Variants in RNF157 observed in about 807,000 individuals in gnomAD.
RNF157 encodes E3 ubiquitin ligase RNF157.
A neutral mutation model predicts 88.3 loss-of-function variants in RNF157; 55 were observed. The ratio of observed to expected loss-of-function variants is 0.62; its 90% CI spans 0.50 to 0.78. The LOEUF is 0.78. Among genes scored for constraint, RNF157 ranks in the 30% least tolerant of loss-of-function variants. The probability of loss-of-function intolerance (pLI) is 0.00; values close to 1 mark genes in which losing one functional copy is unlikely to be tolerated. For missense variants in RNF157, 788 were observed against 860.8 expected (o/e 0.92, Z 1.06); for synonymous variants, 334 against 341.2 (o/e 0.98, Z 0.23).
intron 2 of RNF157, among the ~76,000 whole-genome samples, chr17:76,188,555 C>A (rs2069331630): frequency 6.6e-6 from 1 of 152,144 alleles, no homozygotes; most frequent in South Asian, 2.1e-4. Context: ...CAACTTTAAA[C>A]AAGGTGCAAG....
In RNF157 at chr17:76,176,426, T is replaced by A. The variant is rs8067190; in HGVS notation, c.208-2636A>T. ...AGGATCAGAGGCAAATTAAAAAAAA[T>A]TTTTTTTCTGCTCTTAGAGTTGTCT... On this transcript the variant is annotated intron_variant, in intron 2 of 18. Coordinates refer to ENST00000269391, the MANE Select transcript of RNF157 (RefSeq NM_052916.3). The surrounding 1 kb of genome is among the most constrained non-coding windows in gnomAD (Gnocchi z 4.2). 8.0e-3 allele frequency among the ~76,000 whole-genome samples: 1,218 copies of A among 152,160 alleles called. 9 individuals are homozygous for A. Among genetic ancestry groups the A allele is most frequent in the African/African-American group, 0.023 (965 of 41,502 alleles).
intron 9 of RNF157, chr17:76,162,227 C>T (rs2068856452): frequency 1.7e-6 from 1 of 589,536 alleles, no homozygotes; most frequent in Non-Finnish European, 3.0e-6. Context: ...CACTCGAGCT[C>T]CTCCTATAAG....
At chr17:76,217,920 G>A (rs2069917281) in intron 1 of RNF157, among the ~76,000 whole-genome samples, 1 of 152,146 alleles carries the variant, frequency 6.6e-6, no homozygotes, top group East Asian at 1.9e-4. Context: ...AGGTATGAGT[G>A]GGAAGGAGAA....
intron 2 of RNF157, among the ~76,000 whole-genome samples, chr17:76,210,558 C>CCAGCCTGG (rs1165882419): frequency 8.9e-6 from 1 of 112,798 alleles, no homozygotes. Context: ...CCACTGTACT[C>CCAGCCTGG]CAGCCTGGGC....
chr17:76,239,668 G>C (rs927899321), intron 1 of RNF157, among the ~76,000 whole-genome samples: 1 of 152,032 alleles, frequency 6.6e-6, no homozygotes, highest in Non-Finnish European at 1.5e-5. Flanking sequence ...CCTTTCCAGA[G>C]GCCAGGAGAC....
chr17:76,159,970 C>T (rs1332600226), intron 11 of RNF157, among the ~76,000 whole-genome samples: 24 of 152,066 alleles, frequency 1.6e-4, no homozygotes, highest in Admixed American at 1.6e-3. Context: ...TTATATTCTG[C>T]TTATTTTATT....
At chr17:76,191,650 T>C (rs2069388777) in intron 2 of RNF157, among the ~76,000 whole-genome samples, 1 of 150,488 alleles carries the variant, frequency 6.6e-6, no homozygotes, top group African/African-American at 2.4e-5. Flanking sequence ...GGTATGTGCC[T>C]GTAGTCCCAG....
intron 1 of RNF157, among the ~76,000 whole-genome samples, chr17:76,222,954 G>C (rs1308140849): frequency 5.3e-5 from 8 of 151,214 alleles, no homozygotes; most frequent in Non-Finnish European, 1.2e-4. Flanking sequence ...GCAGAGGCCC[G>C]ATCCTGGCTC....
At chr17:76,211,214 T>C (rs1488503281) in intron 2 of RNF157, among the ~76,000 whole-genome samples, 2 of 152,244 alleles carry the variant, frequency 1.3e-5, no homozygotes, top group Non-Finnish European at 1.5e-5. Flanking sequence ...TGACACGCAG[T>C]AGTTGCTCAG....
At chr17:76,200,196 C>T (rs918322675) in intron 2 of RNF157, among the ~76,000 whole-genome samples, 10 of 151,594 alleles carry the variant, frequency 6.6e-5, no homozygotes, top group African/African-American at 1.9e-4. Context: ...GAGCCAAGAT[C>T]GCGCCACTCC....
intron 2 of RNF157, among the ~76,000 whole-genome samples, chr17:76,202,124 TCTCTCA>T (rs1367671281): frequency 7.9e-5 from 11 of 139,592 alleles, no homozygotes; most frequent in African/African-American, 1.8e-4. Context: ...TCTCTCTCTC[TCTCTCA>T]CACACACACA....
At chr17:76,179,370 G>T (rs181163368) in intron 2 of RNF157, among the ~76,000 whole-genome samples, 1 of 152,122 alleles carries the variant, frequency 6.6e-6, no homozygotes, top group Admixed American at 6.5e-5. Context: ...CTCCAGCTTG[G>T]GGGAGAGAGT....
rs376457438 is a variant in RNF157 at position 76,158,489 on chromosome 17, T to C, written c.1317A>G (p.Gln439=). 19 of 1,612,684 alleles carry C rather than the reference T, an allele frequency of 1.2e-5. No homozygotes were observed. The highest frequency in any genetic ancestry group is 1.5e-5 in the Non-Finnish European group (18 of 1,178,898). Residue 439 remains glutamine, a synonymous_variant, in exon 13 of 19, where the codon CAA becomes CAG. Transcript: ENST00000269391. The part of the protein sequence containing the change: ...LKKSLSKSTS[Q]NSSVLHEEED... ...CCTCTTCATGCAGCACGGAAGAGTT[T>C]TGGGAAGTGGATCTGTAGGAGTCCA...
chr17:76,171,661 CCA>C (rs2069016611), intron 3 of RNF157, among the ~76,000 whole-genome samples: 1 of 152,012 alleles, frequency 6.6e-6, no homozygotes, highest in South Asian at 2.1e-4. Flanking sequence ...TTATTGAACA[CCA>C]GGTGTTTTCC....
chr17:76,228,399 C>G (rs2070131370), intron 1 of RNF157, among the ~76,000 whole-genome samples: 1 of 152,190 alleles, frequency 6.6e-6, no homozygotes, highest in Admixed American at 6.5e-5. Context: ...ATACTTTCTT[C>G]CAGTCTCAAG....
chr17:76,219,628 A>G (rs1022369338), intron 1 of RNF157, among the ~76,000 whole-genome samples: 5 of 152,174 alleles, frequency 3.3e-5, no homozygotes, highest in Non-Finnish European at 5.9e-5. Context: ...CATTTTACAT[A>G]ATTATAAAAT....
At chr17:76,185,900 A>G (rs2144925331) in intron 2 of RNF157, among the ~76,000 whole-genome samples, 1 of 152,278 alleles carries the variant, frequency 6.6e-6, no homozygotes, top group East Asian at 1.9e-4. Flanking sequence ...ATGCCTTGAT[A>G]CTGTATGTAT....
chr17:76,201,647 G>C (rs1458425036), intron 2 of RNF157, among the ~76,000 whole-genome samples: 1 of 152,032 alleles, frequency 6.6e-6, no homozygotes, highest in East Asian at 1.9e-4. Flanking sequence ...ATAAATATAT[G>C]TACATAATGC....
intron 1 of RNF157, among the ~76,000 whole-genome samples, chr17:76,227,641 G>T (rs1489072781): frequency 6.6e-6 from 1 of 151,942 alleles, no homozygotes; most frequent in Non-Finnish European, 1.5e-5. Context: ...AGTTTGGGAG[G>T]CCGAGGTGGG....
Sources: gnomAD v4.1 joint callset for allele counts (sites outside exome capture counted in the v4.1 genomes callset) on GRCh38, gnomAD v4.1.1 for gene constraint, Gnocchi (gnomAD v3.1) non-coding constraint, MANE v1.5 for transcripts, NCBI Gene and HGNC (gene_info 2026-07-23, HGNC 2026-07-21) for gene names.